SRL: variants seen among roughly 807,000 people sequenced by gnomAD.
SRL encodes sarcalumenin.
In SRL, 23 loss-of-function variants were observed where a neutral mutation model predicts 39.5. The ratio of observed to expected loss-of-function variants is 0.58; its 90% CI spans 0.42 to 0.82. The LOEUF (loss-of-function observed/expected upper bound fraction) is 0.82. Ranked by LOEUF, SRL falls within the 40% of genes least tolerant of loss-of-function variation. The probability of loss-of-function intolerance (pLI) is 0.00; values close to 1 mark genes in which losing one functional copy is unlikely to be tolerated. For missense variants in SRL, 592 were observed against 607.8 expected, an observed-to-expected ratio of 0.97 and a Z score of 0.27; for synonymous variants, 272 against 237.4, an observed-to-expected ratio of 1.15 and a Z score of -1.34.
At chr16:4,229,897 C>A (rs113017681) in intron 1 of SRL, among the ~76,000 whole-genome samples, 16 of 152,138 alleles carry the variant, frequency 1.1e-4, no homozygotes, top group Admixed American at 1.0e-3. Context: ...TTTGAGGGGA[C>A]TGCGTGCTGG....
rs1223385461 is a variant in SRL at position 4,195,722 on chromosome 16, C to G, written c.441G>C (p.Glu147Asp). The G allele has an allele frequency of 6.2e-7, 1 of 1,614,044 alleles. No homozygotes were observed. The highest frequency in any genetic ancestry group is 1.7e-5 in the Admixed American group (1 of 59,990). ...LMHGPKLKTI[E>D]GIVMAADSAR... ...CGCTGTCAGCAGCCATGACGATGCCCTCGATGGTTTTCAGCTTAGGCCCAT... is the reference window on the plus strand; with the variant it reads ...CGCTGTCAGCAGCCATGACGATGCCGTCGATGGTTTTCAGCTTAGGCCCAT... Residue 147 changes from glutamate to aspartate, a missense_variant, in exon 5 of 6, where the codon GAG becomes GAC. Physicochemically the swap from Glu to Asp is conservative, Grantham distance 45. Coordinates refer to ENST00000399609, the MANE Select transcript of SRL (RefSeq NM_001098814.2).
At position 4,203,256 on chromosome 16, in the gene SRL, G is replaced by A. The variant is rs746744331; in HGVS notation, c.169C>T (p.Leu57=). 1 of 1,614,040 alleles carries A rather than the reference G, an allele frequency of 6.2e-7. No homozygotes were observed. Among genetic ancestry groups the A allele is most frequent in the Non-Finnish European group, 8.5e-7 (1 of 1,179,914 alleles). Residue 57 remains leucine, a synonymous_variant, in exon 3 of 6, where the codon CTG becomes TTG. Coordinates refer to ENST00000399609, the MANE Select transcript of SRL (RefSeq NM_001098814.2). ...TGGTAGATCTTCCGAAGCCGCTGCA[G>A]CACCGCTGGAGACAGAGAGGGCCGG... ...DKPSDDYSAV[L]QRLRKIYHSS...
At chr16:4,203,333 G>A in intron 2 of SRL, 72 bp from the exon 3 acceptor site, 1 of 1,294,474 alleles carries the variant, frequency 7.7e-7, no homozygotes, top group Non-Finnish European at 1.1e-6. Flanking sequence ...TTGTGGAGGG[G>A]CCTCACCACC....
Position 4,242,010 on chromosome 16 carries a change from C to T in SRL, c.58G>A (p.Ala20Thr). Residue 20 changes from alanine to threonine, a missense_variant, in exon 1 of 6, where the codon GCA becomes ACA. Coordinates refer to ENST00000399609, the MANE Select transcript of SRL (RefSeq NM_001098814.2). ...GTCATGCTGGGAGGGGCCCTACCTG[C>T]TTGTCCTGAGAACAGGAGCGAGGCC... ...LLASLLFSGQ[A>T]EETEDANEEA... The T allele has an allele frequency of 6.2e-7, 1 of 1,613,744 alleles. No homozygotes were observed. The highest frequency in any genetic ancestry group is 8.5e-7 in the Non-Finnish European group (1 of 1,179,946).
At chr16:4,213,415 T>C (rs539474853) in intron 1 of SRL, among the ~76,000 whole-genome samples, 12 of 128,522 alleles carry the variant, frequency 9.3e-5, no homozygotes, top group Admixed American at 3.0e-4. Context: ...TTTTTTTTTT[T>C]TTTTTTTTTT....
chr16:4,195,701 G>C lies in SRL; in HGVS notation c.462C>G (p.Asp154Glu). ...CAAGGGGTGAGAAGGAACGGGCGCT[G>C]TCAGCAGCCATGACGATGCCCTCGA... ...KTIEGIVMAA[D>E]SARSFSPLEK... Residue 154 changes from aspartate to glutamate, a missense_variant, in exon 5 of 6, where the codon GAC (aspartate) becomes GAG (glutamate). Transcript: ENST00000399609. 1 of 1,614,126 alleles carries C rather than the reference G, an allele frequency of 6.2e-7. No homozygotes were observed. Among genetic ancestry groups the C allele is most frequent in the South Asian group, 1.1e-5 (1 of 91,086 alleles).
chr16:4,195,872 C>A (rs1567173947), intron 4 of SRL, 86 bp from the exon 5 acceptor site: 24 of 1,154,906 alleles, frequency 2.1e-5, no homozygotes, highest in Non-Finnish European at 3.0e-5. Flanking sequence ...CCTGGTGTCA[C>A]AGGGAGACTT....
chr16:4,228,330 G>A (rs879783962), intron 1 of SRL, among the ~76,000 whole-genome samples: 11 of 152,188 alleles, frequency 7.2e-5, no homozygotes, highest in Non-Finnish European at 1.6e-4. Context: ...CCAGCTACTC[G>A]GGAGGCTGAG....
At chr16:4,202,384 C>T (rs1211977656) in intron 3 of SRL, among the ~76,000 whole-genome samples, 1 of 152,082 alleles carries the variant, frequency 6.6e-6, no homozygotes, top group Non-Finnish European at 1.5e-5. Flanking sequence ...ACGAGGTCCG[C>T]AGACAGAGAC....
intron 5 of SRL, among the ~76,000 whole-genome samples, chr16:4,193,255 A>G (rs2052092608): frequency 6.6e-6 from 1 of 151,976 alleles, no homozygotes; most frequent in Non-Finnish European, 1.5e-5. Context: ...TGCAGCCTCA[A>G]CCTCCCGGGT....
chr16:4,224,781 A>G (rs2052569015), intron 1 of SRL, among the ~76,000 whole-genome samples: 1 of 152,122 alleles, frequency 6.6e-6, no homozygotes, highest in Non-Finnish European at 1.5e-5. Context: ...CACACAAAAA[A>G]CTGTACACTG....
intron 2 of SRL, 61 bp from the exon 3 acceptor site, chr16:4,203,322 A>C (rs566145330): frequency 1.4e-6 from 2 of 1,441,030 alleles, no homozygotes; most frequent in African/African-American, 1.4e-5. Context: ...CAGCTCCTCC[A>C]TTGTGGAGGG....
chr16:4,213,670 C>T (rs1235113332), intron 1 of SRL, among the ~76,000 whole-genome samples: 3 of 152,062 alleles, frequency 2.0e-5, no homozygotes, highest in Non-Finnish European at 4.4e-5. Context: ...CTCAGCCTCC[C>T]AAAGTGCTGG....
chr16:4,205,734 A>G (rs2052310542), intron 1 of SRL, among the ~76,000 whole-genome samples: 1 of 152,130 alleles, frequency 6.6e-6, no homozygotes, highest in Non-Finnish European at 1.5e-5. Context: ...GACCTTCCAC[A>G]GGGCTTTGGG....
intron 1 of SRL, among the ~76,000 whole-genome samples, chr16:4,211,750 G>C (rs1053404078): frequency 1.1e-4 from 16 of 146,932 alleles, no homozygotes; most frequent in Non-Finnish European, 2.4e-4. Flanking sequence ...TCGTGATGAT[G>C]ATGATGATGG....
intron 1 of SRL, among the ~76,000 whole-genome samples, chr16:4,228,558 A>AC (rs1267764601): frequency 6.6e-6 from 1 of 151,640 alleles, no homozygotes; most frequent in Admixed American, 6.6e-5. Context: ...ACACGGTGAA[A>AC]CCCCGTCTCT....
chr16:4,209,283 AG>A, intron 1 of SRL, among the ~76,000 whole-genome samples: 1 of 151,616 alleles, frequency 6.6e-6, no homozygotes, highest in South Asian at 2.1e-4. Flanking sequence ...AAAAAAAAAA[AG>A]AAAAAAGAAA....
chr16:4,205,606 T>A (rs867345021), intron 1 of SRL, among the ~76,000 whole-genome samples: 1 of 151,968 alleles, frequency 6.6e-6, no homozygotes, highest in African/African-American at 2.4e-5. Context: ...AGAGAAGCGT[T>A]CTGCAAAAGC....
At chr16:4,236,194 A>G (rs2052712159) in intron 1 of SRL, among the ~76,000 whole-genome samples, 1 of 152,150 alleles carries the variant, frequency 6.6e-6, no homozygotes, top group African/African-American at 2.4e-5. Context: ...AAAGGTTTCT[A>G]TGTCTAAAGA....
Sources: allele counts gnomAD v4.1 joint callset (sites outside exome capture counted in the v4.1 genomes callset), GRCh38; gene constraint gnomAD v4.1.1; transcripts MANE v1.5; gene names NCBI Gene and HGNC (gene_info 2026-07-23, HGNC 2026-07-21).